DOCK2: variants seen among roughly 807,000 people sequenced by gnomAD.
The protein encoded by DOCK2 is dedicator of cytokinesis 2.
A neutral mutation model predicts 248.9 loss-of-function variants in DOCK2; 87 were observed. That is an observed-to-expected ratio of 0.35 (90% CI 0.29 to 0.42). The LOEUF is 0.42. DOCK2 is among the 10% of genes least tolerant of loss of function. The probability of loss-of-function intolerance (pLI) is 1.00; values close to 1 mark genes in which losing one functional copy is unlikely to be tolerated. For synonymous variants in DOCK2, 805 were observed against 821.6 expected (o/e 0.98, Z 0.35); for missense variants, 1,747 against 2,300.2 (o/e 0.76, Z 4.92).
chr5:169,996,000 G>T, intron 29 of DOCK2, 86 bp from the exon 30 acceptor site: 1 of 1,443,432 alleles, frequency 6.9e-7, no homozygotes, highest in East Asian at 2.3e-5. Context: ...CTCCAAAGAG[G>T]GTAAGGGAAT....
chr5:169,844,920 A>G (rs1018912441), intron 27 of DOCK2, among the ~76,000 whole-genome samples: 2 of 152,010 alleles, frequency 1.3e-5, no homozygotes, highest in Non-Finnish European at 1.5e-5. Context: ...CTTCTTATGC[A>G]CTGTATTCAT....
chr5:169,866,695 C>T (rs1022054989), intron 27 of DOCK2, among the ~76,000 whole-genome samples: 1 of 152,186 alleles, frequency 6.6e-6, no homozygotes, highest in African/African-American at 2.4e-5. Flanking sequence ...CAGAATTTGC[C>T]AGGCCAGTGG....
intron 44 of DOCK2, among the ~76,000 whole-genome samples, chr5:170,058,433 T>A (rs1448763304): frequency 6.6e-6 from 1 of 152,056 alleles, no homozygotes; most frequent in African/African-American, 2.4e-5. Context: ...ATAACTGTGA[T>A]GGAAAAAATT....
Position 169,700,104 on chromosome 5 carries a change from C to G in DOCK2, c.1223C>G (p.Ala408Gly). ...PHLVDRTTVVARKLGFPEIIM... is the reference protein window; with the variant it reads ...PHLVDRTTVVGRKLGFPEIIM... ...CTGGTGGACAGGACCACCGTGGTGG[C>G]CAGGAAGCTGGGATTCCCAGAGATC... The change falls in exon 13 of 52, where the codon GCC becomes GGC. Residue 408 changes from alanine (A) to glycine (G), a missense_variant. Ala to Gly is a moderately conservative substitution (Grantham distance 60). Around this residue, in one of 4 missense-constraint regions of DOCK2, gnomAD observed 375 missense variants for 510.9 expected, o/e 0.73. Transcript: ENST00000520908. The G allele has an allele frequency of 6.2e-7, 1 of 1,613,888 alleles. No individual in the cohort carries two copies. Among genetic ancestry groups the G allele is most frequent in the Non-Finnish European group, 8.5e-7 (1 of 1,179,860 alleles).
intron 9 of DOCK2, among the ~76,000 whole-genome samples, chr5:169,692,856 G>A (rs1367858806): frequency 6.6e-6 from 1 of 152,138 alleles, no homozygotes; most frequent in East Asian, 1.9e-4. Context: ...TTCTCTCTGT[G>A]TTTGTCTGTG....
At chr5:169,930,643 C>T (rs1218851281) in intron 27 of DOCK2, among the ~76,000 whole-genome samples, 4 of 152,180 alleles carry the variant, frequency 2.6e-5, no homozygotes, top group East Asian at 1.9e-4. Flanking sequence ...GGATGAGCTG[C>T]GGCTGACAGG....
intron 1 of DOCK2, among the ~76,000 whole-genome samples, chr5:169,653,287 A>T (rs1288979839): frequency 6.6e-6 from 1 of 152,192 alleles, no homozygotes; most frequent in Non-Finnish European, 1.5e-5. Flanking sequence ...AGGAATAATA[A>T]CCTTTTTACA....
intron 33 of DOCK2, among the ~76,000 whole-genome samples, 173 bp downstream of exon 33, chr5:170,019,281 A>G (rs1399861151): frequency 5.9e-5 from 9 of 152,152 alleles, no homozygotes; most frequent in Non-Finnish European, 1.0e-4. Flanking sequence ...TCGGTATTCT[A>G]TCAAGCTTTT....
At chr5:169,833,889 C>A (rs1015950861) in intron 26 of DOCK2, among the ~76,000 whole-genome samples, 2 of 152,240 alleles carry the variant, frequency 1.3e-5, no homozygotes, top group African/African-American at 4.8e-5. Flanking sequence ...GGCATCTCTC[C>A]AACTAAATGT....
At chr5:169,769,491 G>A (rs1764969282) in intron 25 of DOCK2, among the ~76,000 whole-genome samples, 1 of 152,226 alleles carries the variant, frequency 6.6e-6, no homozygotes, top group Non-Finnish European at 1.5e-5. Context: ...CTGATGAATG[G>A]GGAAAGATGT....
At chr5:169,986,440 G>C (rs1250642279) in intron 29 of DOCK2, among the ~76,000 whole-genome samples, 3 of 152,088 alleles carry the variant, frequency 2.0e-5, no homozygotes, top group Admixed American at 6.6e-5. Context: ...GTCTATGTGT[G>C]TATCTATAAT....
chr5:169,656,849 C>T (rs919776423), intron 2 of DOCK2, among the ~76,000 whole-genome samples: 2 of 152,234 alleles, frequency 1.3e-5, no homozygotes, highest in African/African-American at 4.8e-5. Flanking sequence ...GTGCCCTGAC[C>T]TTTACGAAGG....
intron 38 of DOCK2, 55 bp from the exon 39 acceptor site, chr5:170,045,761 C>T (rs6884561): frequency 3.2e-6 from 5 of 1,549,158 alleles, no homozygotes; most frequent in Non-Finnish European, 4.5e-6. Context: ...CCTCAGCAAG[C>T]GCTCTGCAAA....
chr5:169,977,788 C>T (rs1023630543), intron 27 of DOCK2, among the ~76,000 whole-genome samples: 1 of 152,224 alleles, frequency 6.6e-6, no homozygotes, highest in Non-Finnish European at 1.5e-5. Context: ...CTCCCAATTA[C>T]AATTCTGAAC....
chr5:169,704,761 G>A (rs754269434), intron 14 of DOCK2, among the ~76,000 whole-genome samples: 1,734 of 17,528 alleles, frequency 0.099, 11 homozygotes, highest in Middle Eastern at 0.25. Flanking sequence ...CCATATATAT[G>A]TGTGTGTGTG....
At chr5:169,770,238 C>T (rs1220410133) in intron 25 of DOCK2, among the ~76,000 whole-genome samples, 7 of 150,938 alleles carry the variant, frequency 4.6e-5, no homozygotes, top group Admixed American at 2.6e-4. Context: ...CAATCACTTA[C>T]GTGTAACCAC....
intron 27 of DOCK2, among the ~76,000 whole-genome samples, chr5:169,937,106 G>A (rs1181040692): frequency 6.6e-6 from 1 of 152,170 alleles, no homozygotes; most frequent in Non-Finnish European, 1.5e-5. Context: ...CTTCCAGCCA[G>A]CTGCCTGTTT....
At position 169,712,110 on chromosome 5, in the gene DOCK2, C is replaced by T; in HGVS notation, c.1556-10C>T. The T allele has an allele frequency of 6.2e-7, 1 of 1,614,024 alleles. No homozygotes were observed. Among genetic ancestry groups the T allele is most frequent in the South Asian group, 1.1e-5 (1 of 91,086 alleles). On this transcript the variant is annotated splice_polypyrimidine_tract_variant and intron_variant, in intron 16 of 51. Transcript: ENST00000520908. Reference sequence around the variant, plus strand: ...CATTTTCTTTCCTGACCCCACAATGCTATTTCCAGCTAAAGATAAAGGAGA... The same window carrying T: ...CATTTTCTTTCCTGACCCCACAATGTTATTTCCAGCTAAAGATAAAGGAGA...
intron 36 of DOCK2, among the ~76,000 whole-genome samples, chr5:170,037,607 C>T (rs1346547828): frequency 1.3e-5 from 2 of 151,858 alleles, no homozygotes; most frequent in South Asian, 2.1e-4. Context: ...CTGCCTCAGC[C>T]TCCCGAGTAG....
Sources: allele counts gnomAD v4.1 joint callset (sites outside exome capture counted in the v4.1 genomes callset), GRCh38; gene constraint gnomAD v4.1.1; regional missense constraint gnomAD v4.1.1; transcripts MANE v1.5; gene names NCBI Gene and HGNC (gene_info 2026-07-23, HGNC 2026-07-21).